Variants in ADGRG2 observed in about 807,000 individuals in gnomAD.
The protein encoded by ADGRG2 is G protein-coupled receptor 64.
In ADGRG2, 26 loss-of-function variants were observed where a neutral mutation model predicts 74.1. That is an observed-to-expected ratio of 0.35 (90% CI 0.26 to 0.49). ADGRG2 has a LOEUF of 0.49. Among genes scored for constraint, ADGRG2 ranks in the 20% least tolerant of loss-of-function variants. The pLI is 0.99. For synonymous variants in ADGRG2, 296 were observed against 295.2 expected, an observed-to-expected ratio of 1.00 and a Z score of -0.03; for missense variants, 619 against 763.1, an observed-to-expected ratio of 0.81 and a Z score of 2.22.
intron 3 of ADGRG2, among the ~76,000 whole-genome samples, chrX:19,065,832 G>A (rs963145642): frequency 1.8e-5 from 2 of 111,577 alleles, no homozygotes; most frequent in Non-Finnish European, 3.8e-5. Flanking sequence ...GAGATGGTGC[G>A]TGTGAGAATA....
At chrX:19,089,583 C>T (rs1320708887) in intron 1 of ADGRG2, among the ~76,000 whole-genome samples, 2 of 111,768 alleles carry the variant, frequency 1.8e-5, no homozygotes, top group Non-Finnish European at 3.8e-5. Flanking sequence ...TTGAATGCAG[C>T]AAATGTGATA....
At chrX:19,089,272 A>G (rs929804101) in intron 1 of ADGRG2, among the ~76,000 whole-genome samples, 5 of 111,141 alleles carry the variant, frequency 4.5e-5, no homozygotes, top group African/African-American at 1.6e-4. Context: ...AAAGCTACTC[A>G]TAAACTCTTC....
chrX:19,063,329 C>T (rs1236571691), intron 3 of ADGRG2, among the ~76,000 whole-genome samples: 1 of 111,897 alleles, frequency 8.9e-6, no homozygotes, highest in Non-Finnish European at 1.9e-5. Context: ...CCTCTCCACT[C>T]CCCTAGCCCT....
intron 1 of ADGRG2, among the ~76,000 whole-genome samples, chrX:19,113,729 T>TA (rs1030765776): frequency 9.0e-6 from 1 of 111,549 alleles, no homozygotes; most frequent in Non-Finnish European, 1.9e-5. Context: ...TTGTACTTTT[T>TA]AAAAAAAATG....
chrX:19,075,454 C>A (rs1168998755), intron 2 of ADGRG2, among the ~76,000 whole-genome samples: 1 of 107,576 alleles, frequency 9.3e-6, no homozygotes, highest in Non-Finnish European at 1.9e-5. Flanking sequence ...CCCGTCTCTA[C>A]CAAAAATATA....
chrX:18,995,442 A>T (rs758474526), intron 27 of ADGRG2, among the ~76,000 whole-genome samples: 1 of 111,769 alleles, frequency 8.9e-6, no homozygotes, highest in African/African-American at 3.3e-5. Context: ...TTTTCTGAAT[A>T]CAGACTCCCG....
chrX:19,013,560 T>C (rs1014692575), intron 16 of ADGRG2, 126 bp downstream of exon 16: 14 of 556,504 alleles, frequency 2.5e-5, no homozygotes, highest in South Asian at 1.4e-4. Flanking sequence ...TGTAAGTCAT[T>C]AGAACGTTAG....
intron 26 of ADGRG2, among the ~76,000 whole-genome samples, chrX:18,998,235 C>T (rs898752755): frequency 1.8e-5 from 2 of 111,741 alleles, no homozygotes; most frequent in African/African-American, 6.5e-5. Flanking sequence ...GTCTCCAAAT[C>T]GCTGACCTAG....
intron 3 of ADGRG2, among the ~76,000 whole-genome samples, chrX:19,067,471 C>T (rs1325618790): frequency 1.8e-5 from 2 of 111,731 alleles, no homozygotes; most frequent in African/African-American, 6.5e-5. Context: ...TGGACCGTTA[C>T]CTTATACCAT....
chrX:19,110,620 G>C (rs1228605870), intron 1 of ADGRG2, among the ~76,000 whole-genome samples: 2 of 108,014 alleles, frequency 1.9e-5, no homozygotes, highest in Non-Finnish European at 3.8e-5. Context: ...CGGGAGACAG[G>C]GGTCGCAGTG....
chrX:19,082,030 G>A (rs1465916970), intron 2 of ADGRG2, among the ~76,000 whole-genome samples: 8 of 88,167 alleles, frequency 9.1e-5, no homozygotes, highest in African/African-American at 3.3e-4. Context: ...CTGTGACTGC[G>A]CCACTGCGCT....
rs147788303 is a variant in ADGRG2, at chrX:19,120,112, A to G, written c.-47+2330T>C. Among the ~76,000 whole-genome samples, 552 of 111,415 alleles carry G rather than the reference A, an allele frequency of 5.0e-3. 4 individuals carry two copies. Among genetic ancestry groups the G allele is most frequent in the African/African-American group, 0.017 (517 of 30,716 alleles). ...CCTTTTAATGAAAGTCACCTTGCAGAGATGTGGGAGTGATAAAAGCAGAAG... is the reference window on the plus strand; with the variant it reads ...CCTTTTAATGAAAGTCACCTTGCAGGGATGTGGGAGTGATAAAAGCAGAAG... On this transcript the variant is annotated intron_variant, in intron 1 of 28. Transcript: ENST00000379869.
At chrX:18,991,246 G>A (rs1328846752) in intron 28 of ADGRG2, among the ~76,000 whole-genome samples, 198 bp from the exon 29 acceptor site, 2 of 111,511 alleles carry the variant, frequency 1.8e-5, no homozygotes, top group Non-Finnish European at 3.8e-5. Flanking sequence ...CCAAAGTGGA[G>A]ATTGCTTCAG....
intron 16 of ADGRG2, among the ~76,000 whole-genome samples, chrX:19,011,794 G>A (rs1379398575): frequency 8.9e-6 from 1 of 111,939 alleles, no homozygotes; most frequent in Admixed American, 9.5e-5. Context: ...GCGGTGAGCC[G>A]AAATTGCGCC....
chrX:19,112,814 T>C (rs1195450488), intron 1 of ADGRG2, among the ~76,000 whole-genome samples: 1 of 107,250 alleles, frequency 9.3e-6, no homozygotes, highest in African/African-American at 3.4e-5. Flanking sequence ...AAAAATTAGC[T>C]GGGTGTGGTG....
intron 2 of ADGRG2, among the ~76,000 whole-genome samples, chrX:19,080,690 T>C (rs1168878518): frequency 9.0e-6 from 1 of 110,799 alleles, no homozygotes; most frequent in Non-Finnish European, 1.9e-5. Context: ...TTTTTGGTTG[T>C]TGCTGTTGTT....
chrX:19,074,454 G>A (rs757920234), intron 2 of ADGRG2, among the ~76,000 whole-genome samples: 1 of 65,443 alleles, frequency 1.5e-5, no homozygotes, highest in South Asian at 7.0e-4. Context: ...TGCCTAGGCT[G>A]GTATTGAACT....
chrX:19,011,072 C>A, intron 16 of ADGRG2, among the ~76,000 whole-genome samples: 2 of 112,243 alleles, frequency 1.8e-5, no homozygotes, highest in Admixed American at 1.9e-4. Context: ...ACTCTAAATA[C>A]ACACAATGGC....
intron 2 of ADGRG2, among the ~76,000 whole-genome samples, chrX:19,072,521 A>G (rs1286409942): frequency 8.9e-6 from 1 of 112,068 alleles, no homozygotes; most frequent in Non-Finnish European, 1.9e-5. Flanking sequence ...AGATATGATC[A>G]AAGGCAAATT....
Sources: allele counts gnomAD v4.1 joint callset (sites outside exome capture counted in the v4.1 genomes callset), GRCh38; gene constraint gnomAD v4.1.1; transcripts MANE v1.5; gene names NCBI Gene and HGNC (gene_info 2026-07-23, HGNC 2026-07-21).